Variants in FADS2 observed in about 807,000 individuals in gnomAD.
FADS2 encodes the protein fatty acid desaturase 2.
FADS2 carries 18 observed loss-of-function variants against 61.2 expected under a neutral mutation model. That is an observed-to-expected ratio of 0.29 (90% CI 0.20 to 0.44). The LOEUF is 0.44. Ranked by LOEUF, FADS2 falls within the 20% of genes least tolerant of loss-of-function variation. FADS2 has a pLI of 1.00. For synonymous variants in FADS2, 203 were observed against 223.9 expected, an observed-to-expected ratio of 0.91 and a Z score of 0.83; for missense variants, 322 against 572.7, an observed-to-expected ratio of 0.56 and a Z score of 4.47.
chr11:61,852,875 C>T (rs1455710349), intron 5 of FADS2, among the ~76,000 whole-genome samples: 1 of 152,142 alleles, frequency 6.6e-6, no homozygotes, highest in Non-Finnish European at 1.5e-5. Flanking sequence ...AGTCTCTCGG[C>T]CCAGCGTGGT....
chr11:61,835,032 CCTCCCCA>C, intron 1 of FADS2, among the ~76,000 whole-genome samples: 1 of 30,836 alleles, frequency 3.2e-5, no homozygotes, highest in Admixed American at 1.0e-3. Context: ...CTCCTCCCTG[CCTCCCCA>C]GGGACTTCTC....
At chr11:61,824,445 A>G (rs1591161690), upstream of FADS2, among the ~76,000 whole-genome samples, 3 of 3,560 alleles carry the variant, frequency 8.4e-4, no homozygotes, top group African/African-American at 1.4e-3. Flanking sequence ...GGAGGGAGGG[A>G]GGGAGGGAGG....
At chr11:61,848,031 G>A (rs751918250) in intron 4 of FADS2, 128 bp from the exon 5 acceptor site, 8 of 1,097,526 alleles carry the variant, frequency 7.3e-6, no homozygotes, top group Non-Finnish European at 1.1e-5. Flanking sequence ...TTCTGGCCTT[G>A]TGGGGGCCTG....
rs1359291878 is a variant in FADS2 at position 61,837,758 on chromosome 11, C to G, written c.208-20C>G. On this transcript the variant is annotated intron_variant, in intron 1 of 11. Transcript: ENST00000278840. The stretch of plus-strand genomic sequence containing the variant: ...GACAGAGTTCAGGTCTTAGCCTCAT[C>G]ACTGCCCTCTGCTCTCCAGGATGCC... The G allele has an allele frequency of 6.4e-7, 1 of 1,563,254 alleles. No individual in the cohort carries two copies. Among genetic ancestry groups the G allele is most frequent in the African/African-American group, 1.4e-5 (1 of 73,784 alleles).
chr11:61,823,683 A>C (rs1203760992), upstream of FADS2, among the ~76,000 whole-genome samples: 5 of 151,908 alleles, frequency 3.3e-5, no homozygotes, highest in Non-Finnish European at 7.4e-5. Flanking sequence ...CATCCAACTA[A>C]TTTTTTATAT....
intron 1 of FADS2, among the ~76,000 whole-genome samples, chr11:61,817,813 A>T (rs1474416189): frequency 4.6e-5 from 7 of 152,216 alleles, no homozygotes; most frequent in African/African-American, 1.7e-4. Context: ...TAGGTCCAAA[A>T]TTTTATTTAT....
intron 4 of FADS2, among the ~76,000 whole-genome samples, chr11:61,846,292 G>A (rs1260001855): frequency 6.6e-6 from 1 of 151,720 alleles, no homozygotes; most frequent in African/African-American, 2.4e-5. Context: ...AATTTTTGTA[G>A]TTTTAGTAGA....
chr11:61,859,182 G>A (rs964409244), intron 7 of FADS2, among the ~76,000 whole-genome samples: 5 of 151,730 alleles, frequency 3.3e-5, no homozygotes, highest in African/African-American at 9.7e-5. Flanking sequence ...CTCAGCCTCC[G>A]AAGTAGCTGG....
At chr11:61,817,893 CATTT>C (rs2067000976) in intron 1 of FADS2, among the ~76,000 whole-genome samples, 1 of 152,218 alleles carries the variant, frequency 6.6e-6, no homozygotes, top group African/African-American at 2.4e-5. Flanking sequence ...AACCTTAACT[CATTT>C]AATTCTCCTA....
At chr11:61,853,290 C>CCTTCCTTCCTT (rs2067325768) in intron 5 of FADS2, among the ~76,000 whole-genome samples, 42 of 81,742 alleles carry the variant, frequency 5.1e-4, no homozygotes, top group Non-Finnish European at 5.5e-4. Context: ...CTCCCTCCCT[C>CCTTCCTTCCTT]CCTTCCTTCC....
In FADS2 at chr11:61,849,389, G is replaced by A. The variant is rs542511159; in HGVS notation, c.744+1105G>A. On this transcript the variant is annotated intron_variant, in intron 5 of 11. Coordinates refer to ENST00000278840, the MANE Select transcript of FADS2 (RefSeq NM_004265.4). ...AGAATTAAAACACGAGTCTCAGCCT[G>A]GGCAATATAGCAAGACCCTGTCTCT... Among the ~76,000 whole-genome samples, 5 of 152,254 alleles carry A rather than the reference G, an allele frequency of 3.3e-5. No individual in the cohort carries two copies. In the South Asian group the frequency reaches 1.0e-3, roughly 32 times the overall value.
intron 7 of FADS2, among the ~76,000 whole-genome samples, chr11:61,861,399 G>A (rs2067415884): frequency 1.4e-5 from 2 of 140,338 alleles, no homozygotes. Context: ...GGAGGCTGAG[G>A]TAGAAGTATG....
intron 1 of FADS2, among the ~76,000 whole-genome samples, chr11:61,822,034 G>A (rs1349338154): frequency 6.6e-6 from 1 of 151,554 alleles, no homozygotes; most frequent in Non-Finnish European, 1.5e-5. Context: ...CAGTGGTGCT[G>A]TCTTGGCTCA....
chr11:61,839,666 A>T (rs2067202335), intron 2 of FADS2, among the ~76,000 whole-genome samples: 1 of 152,230 alleles, frequency 6.6e-6, no homozygotes, highest in South Asian at 2.1e-4. Flanking sequence ...CAGTGGCATC[A>T]AATAAGCACA....
intron 1 of FADS2, among the ~76,000 whole-genome samples, chr11:61,831,421 G>A (rs1459730297): frequency 6.6e-6 from 1 of 152,186 alleles, no homozygotes; most frequent in Non-Finnish European, 1.5e-5. Flanking sequence ...GCTGGAAACA[G>A]GTCGGAAGTC....
chr11:61,833,884 C>T lies in FADS2; in HGVS notation c.208-3894C>T, dbSNP rs146283424. ...GGGGTCCTGGGTCCATTTATTCCCTCGTGAGCCATCTTATTAGGCCCCGTT... is the reference window on the plus strand; with the variant it reads ...GGGGTCCTGGGTCCATTTATTCCCTTGTGAGCCATCTTATTAGGCCCCGTT... On this transcript the variant is annotated intron_variant, in intron 1 of 11. Transcript: ENST00000278840. Among the ~76,000 whole-genome samples the T allele has an allele frequency of 6.0e-3, 907 of 152,262 alleles. 14 individuals carry two copies. The highest frequency in any genetic ancestry group is 0.021 in the African/African-American group (854 of 41,548).
intron 9 of FADS2, 74 bp from the exon 10 acceptor site, chr11:61,863,633 C>A: frequency 7.6e-7 from 1 of 1,323,490 alleles, no homozygotes; most frequent in Non-Finnish European, 1.1e-6. Flanking sequence ...CTGGGTAAGG[C>A]TGGGCCCCCT....
chr11:61,856,606 T>C (rs1591178754), intron 5 of FADS2: 1 of 174,494 alleles, frequency 5.7e-6, no homozygotes. Flanking sequence ...CGAGAGTTGC[T>C]CTGTTGCACA....
rs2135984069 is a variant in FADS2 at position 61,867,110 on chromosome 11, G to C, written c.*1421G>C. The C allele has an allele frequency of 6.6e-6, 1 of 152,398 alleles. No individual in the cohort carries two copies. The highest frequency in any genetic ancestry group is 1.9e-4 in the East Asian group (1 of 5,248). 9.4% of individuals were successfully genotyped at this position (152,398 alleles called of 1,614,324 possible). On this transcript the variant is annotated 3_prime_UTR_variant, in exon 12 of 12. Coordinates refer to ENST00000278840, the MANE Select transcript of FADS2 (RefSeq NM_004265.4). ...ATCAGTTCTTAGATTCAGGGGAAGG[G>C]CAGGCACCAACAACTCAGAATGGGG...
Sources: gnomAD v4.1 joint callset for allele counts (sites outside exome capture counted in the v4.1 genomes callset) on GRCh38, gnomAD v4.1.1 for gene constraint, MANE v1.5 for transcripts, NCBI Gene and HGNC (gene_info 2026-07-23, HGNC 2026-07-21) for gene names.